Variants in SFRP1 observed in about 807,000 individuals in gnomAD.
The protein encoded by SFRP1 is secreted frizzled related protein 1.
SFRP1 carries 9 observed loss-of-function variants against 25.9 expected under a neutral mutation model. The observed-to-expected ratio is 0.35, with a 90% CI of 0.21 to 0.61. SFRP1 has a LOEUF of 0.61. Ranked by LOEUF, SFRP1 falls within the 20% of genes least tolerant of loss-of-function variation. The pLI, the probability that SFRP1 is intolerant of heterozygous loss-of-function variation, is 0.78. For missense variants in SFRP1, 346 were observed against 418.2 expected (o/e 0.83, Z 1.51); for synonymous variants, 178 against 174.0 (o/e 1.02, Z -0.18).
intron 2 of SFRP1, among the ~76,000 whole-genome samples, chr8:41,286,346 G>A (rs897097346): frequency 8.5e-5 from 13 of 152,170 alleles, no homozygotes; most frequent in Non-Finnish European, 1.6e-4. Flanking sequence ...GGCGGTTCCC[G>A]CTCAACCTTC....
rs550876033 is a variant in SFRP1, at chr8:41,275,417, G to C, written c.623-9928C>G. The C allele has an allele frequency of 1.4e-3, 329 of 237,152 alleles. 1 individual carries two copies. The highest frequency in any genetic ancestry group is 7.5e-3 in the African/African-American group (314 of 41,778). The allele number at this position is 237,152 out of a possible 1,614,324, so 14.7% of individuals were successfully genotyped here. Reference sequence around the variant, plus strand: ...AAGAGACTTGCTTTTTCCCTAAATTGCTTTCTTTTTCAGAGGGGCCTAAAG... The same window carrying C: ...AAGAGACTTGCTTTTTCCCTAAATTCCTTTCTTTTTCAGAGGGGCCTAAAG... On this transcript the variant is annotated intron_variant, in intron 2 of 2. Coordinates refer to ENST00000220772, the MANE Select transcript of SFRP1 (RefSeq NM_003012.5).
chr8:41,303,901 T>C (rs1803960040), intron 1 of SFRP1, among the ~76,000 whole-genome samples: 1 of 152,156 alleles, frequency 6.6e-6, no homozygotes, highest in Non-Finnish European at 1.5e-5. Flanking sequence ...TTGTTTCCCA[T>C]CCTCTCCCTT....
intron 2 of SFRP1, among the ~76,000 whole-genome samples, chr8:41,281,523 G>A (rs1045206240): frequency 3.3e-5 from 5 of 152,244 alleles, no homozygotes; most frequent in Non-Finnish European, 7.3e-5. Flanking sequence ...GAGACACATT[G>A]AGGATGCGGA....
In SFRP1 at chr8:41,290,082, C is replaced by T. The variant is rs150616719; in HGVS notation, c.622+13379G>A. 3.4e-3 allele frequency among the ~76,000 whole-genome samples: 518 copies of T among 152,360 alleles called. 2 individuals are homozygous for T. Among genetic ancestry groups the T allele is most frequent in the African/African-American group, 0.011 (460 of 41,584 alleles). On this transcript the variant is annotated intron_variant, in intron 2 of 2. Transcript: ENST00000220772. ...CACGTACACAGCTCATCACACCACACACTACCCACATCTGTCTACACCCAC... is the reference window on the plus strand; with the variant it reads ...CACGTACACAGCTCATCACACCACATACTACCCACATCTGTCTACACCCAC...
intron 1 of SFRP1, among the ~76,000 whole-genome samples, chr8:41,305,315 T>C (rs1021453639): frequency 5.9e-5 from 9 of 152,198 alleles, no homozygotes; most frequent in Non-Finnish European, 1.3e-4. Context: ...CTCTGGACAC[T>C]TGAAGTTCGC....
At chr8:41,303,860 T>C (rs1803959739) in intron 1 of SFRP1, among the ~76,000 whole-genome samples, 1 of 152,200 alleles carries the variant, frequency 6.6e-6, no homozygotes, top group African/African-American at 2.4e-5. Context: ...AAAAGCTGGC[T>C]TACAAACCCA....
chr8:41,288,452 G>A (rs1803734354), intron 2 of SFRP1, among the ~76,000 whole-genome samples: 3 of 143,164 alleles, frequency 2.1e-5, no homozygotes, highest in Admixed American at 1.5e-4. Flanking sequence ...CAGAAGGATC[G>A]CTTGAGCCCA....
chr8:41,292,097 A>T (rs1482986743), intron 2 of SFRP1, among the ~76,000 whole-genome samples: 1 of 152,172 alleles, frequency 6.6e-6, no homozygotes, highest in Non-Finnish European at 1.5e-5. Flanking sequence ...GAATTACACC[A>T]CTAAAAACTT....
Position 41,302,633 on chromosome 8 carries a change from C to CGA in SFRP1, c.622+826_622+827dup, listed in dbSNP as rs201769354. Among the ~76,000 whole-genome samples the CGA allele has an allele frequency of 3.0e-3, 460 of 152,234 alleles. 5 individuals are homozygous for CGA. The highest frequency in any genetic ancestry group is 0.011 in the African/African-American group (441 of 41,532). On this transcript the variant is annotated intron_variant, in intron 2 of 2. Transcript: ENST00000220772. The stretch of plus-strand genomic sequence containing the variant: ...TCTCTGCATCCATGTCAGATAGAGG[C>CGA]GAGAGAGAGGGAGCTGGCCCTCCAA...
chr8:41,299,214 T>A (rs1803881934), intron 2 of SFRP1, among the ~76,000 whole-genome samples: 1 of 150,794 alleles, frequency 6.6e-6, no homozygotes, highest in African/African-American at 2.4e-5. Context: ...TTTACGCACA[T>A]AAAATATCCT....
rs1372429271 is a variant in SFRP1 at position 41,263,546 on chromosome 8, T to A, written c.*1621A>T. Reference sequence around the variant, plus strand: ...GCCACTTTACAGCCTCACTGCAGCATCCTCACTGGGTATAAGCATTGGCCC... The same window carrying A: ...GCCACTTTACAGCCTCACTGCAGCAACCTCACTGGGTATAAGCATTGGCCC... On this transcript the variant is annotated 3_prime_UTR_variant, in exon 3 of 3. Coordinates refer to ENST00000220772, the MANE Select transcript of SFRP1 (RefSeq NM_003012.5). 2 of 152,260 alleles carry A rather than the reference T, an allele frequency of 1.3e-5. No homozygotes were observed. The highest frequency in any genetic ancestry group is 2.9e-5 in the Non-Finnish European group (2 of 68,054). The allele number at this position is 152,260 out of a possible 1,614,324, so 9.4% of individuals were successfully genotyped here.
At chr8:41,302,740 T>C in intron 2 of SFRP1, among the ~76,000 whole-genome samples, 1 of 152,132 alleles carries the variant, frequency 6.6e-6, no homozygotes, top group Non-Finnish European at 1.5e-5. Flanking sequence ...GGTCAGACTA[T>C]AACAGACCAT....
At chr8:41,269,690 G>A (rs1803479269) in intron 2 of SFRP1, among the ~76,000 whole-genome samples, 1 of 152,126 alleles carries the variant, frequency 6.6e-6, no homozygotes, top group Non-Finnish European at 1.5e-5. Flanking sequence ...TCCTACCCAT[G>A]ACTTTGAACG....
intron 2 of SFRP1, among the ~76,000 whole-genome samples, chr8:41,297,835 C>T (rs1803863610): frequency 6.6e-6 from 1 of 151,900 alleles, no homozygotes; most frequent in African/African-American, 2.4e-5. Context: ...GTGCTGGGCA[C>T]AGACATCAGT....
intron 2 of SFRP1, among the ~76,000 whole-genome samples, chr8:41,291,079 T>G (rs1803773694): frequency 6.6e-6 from 1 of 151,368 alleles, no homozygotes; most frequent in Non-Finnish European, 1.5e-5. Context: ...GCTATTTTTT[T>G]TTGTATTTTT....
At chr8:41,271,926 C>A (rs1003953409) in intron 2 of SFRP1, among the ~76,000 whole-genome samples, 4 of 152,064 alleles carry the variant, frequency 2.6e-5, no homozygotes, top group Non-Finnish European at 2.9e-5. Flanking sequence ...GACTGCACCC[C>A]TGCGCTCCAG....
At position 41,306,048 on chromosome 8, in the gene SFRP1, G is replaced by C. The variant is rs560686740; in HGVS notation, c.545-2510C>G. The stretch of plus-strand genomic sequence containing the variant: ...ACCAGGCAGAGAGGGAAACAACAAT[G>C]CATCAGCCTGGGAGTTCACAGTTCT... On this transcript the variant is annotated intron_variant, in intron 1 of 2. Transcript: ENST00000220772. Among the ~76,000 whole-genome samples the C allele has an allele frequency of 1.4e-4, 22 of 152,266 alleles. 1 individual carries two copies. In the South Asian group the frequency reaches 4.6e-3, roughly 32 times the overall value.
chr8:41,274,067 G>A (rs1037000440), intron 2 of SFRP1, among the ~76,000 whole-genome samples: 6 of 152,158 alleles, frequency 3.9e-5, no homozygotes, highest in African/African-American at 1.4e-4. Flanking sequence ...GCCTCCTGGG[G>A]GCTTTCAGGC....
chr8:41,290,886 C>CTTT (rs561965318), intron 2 of SFRP1, among the ~76,000 whole-genome samples: 19 of 53,890 alleles, frequency 3.5e-4, no homozygotes, highest in African/African-American at 1.0e-3. Context: ...TCTTCCTCGT[C>CTTT]TTTTTTTTTT....
Sources: gnomAD v4.1 joint callset for allele counts (sites outside exome capture counted in the v4.1 genomes callset) on GRCh38, gnomAD v4.1.1 for gene constraint, MANE v1.5 for transcripts, NCBI Gene and HGNC (gene_info 2026-07-23, HGNC 2026-07-21) for gene names.